The following DOCK4 variants were observed in gnomAD, a reference collection of about 807,000 sequenced individuals.
DOCK4 encodes the protein dedicator of cytokinesis protein 4.
Under a neutral mutation model 268.1 loss-of-function variants are expected in DOCK4, and 97 were observed. The ratio of observed to expected loss-of-function variants is 0.36; its 90% confidence interval spans 0.31 to 0.43. The LOEUF (loss-of-function observed/expected upper bound fraction) is 0.43, where lower values mean the gene tolerates loss of function less well. Ranked by LOEUF, DOCK4 falls within the 20% of genes least tolerant of loss-of-function variation. DOCK4 has a pLI of 1.00. For synonymous variants in DOCK4, 954 were observed against 887.2 expected, an observed-to-expected ratio of 1.08 and a Z score of -1.34; for missense variants, 2,145 against 2,455.7, an observed-to-expected ratio of 0.87 and a Z score of 2.67.
At chr7:112,170,259 T>C (rs952734471) in intron 1 of DOCK4, among the ~76,000 whole-genome samples, 3 of 152,038 alleles carry the variant, frequency 2.0e-5, no homozygotes, top group Admixed American at 2.0e-4. Context: ...AAAATCAGCC[T>C]GGGCAATATG....
At position 112,018,156 on chromosome 7, in the gene DOCK4, A is replaced by C. The variant is rs921949790; in HGVS notation, c.38-14025T>G. The stretch of plus-strand genomic sequence containing the variant: ...AAGACTCCAGCTCAAAAAAAAAAAA[A>C]AAAAAAAAAAAAAAAAAAAAAAAAC... On this transcript the variant is annotated intron_variant, in intron 1 of 52. Transcript: ENST00000428084. 1.1e-3 allele frequency among the ~76,000 whole-genome samples: 149 copies of C among 135,392 alleles called. 4 individuals are homozygous for C. The highest frequency in any genetic ancestry group is 4.0e-3 in the African/African-American group (140 of 35,044). 88.8% of individuals were successfully genotyped at this position (135,392 alleles called of 152,430 possible).
At chr7:111,758,535 T>G in intron 41 of DOCK4, 89 bp downstream of exon 41, 1 of 1,413,814 alleles carries the variant, frequency 7.1e-7, no homozygotes. Context: ...CACTTGACAC[T>G]ATTCTGAGTA....
At position 112,040,488 on chromosome 7, in the gene DOCK4, T is replaced by C. The variant is rs527727960; in HGVS notation, c.38-36357A>G. Among the ~76,000 whole-genome samples, 19 of 152,308 alleles carry C rather than the reference T, an allele frequency of 1.2e-4. 1 individual carries two copies. Among genetic ancestry groups the C allele is most frequent in the African/African-American group, 2.9e-4 (12 of 41,560 alleles). The stretch of plus-strand genomic sequence containing the variant: ...CAGTGAACCACTATAGACATTTCAA[T>C]AGATAGTTGTGGAGGCACAGTGAAC... On this transcript the variant is annotated intron_variant, in intron 1 of 52. Transcript: ENST00000428084.
chr7:112,179,752 T>C (rs751181621), intron 1 of DOCK4, among the ~76,000 whole-genome samples: 26 of 152,202 alleles, frequency 1.7e-4, no homozygotes, highest in African/African-American at 4.1e-4. Flanking sequence ...ATGGTAGTTA[T>C]GCTGTCAAGA....
intron 30 of DOCK4, among the ~76,000 whole-genome samples, chr7:111,793,332 C>G (rs1282322608): frequency 6.6e-6 from 1 of 152,218 alleles, no homozygotes; most frequent in Non-Finnish European, 1.5e-5. Flanking sequence ...TCTTCTGTCT[C>G]TATACATCAA....
intron 35 of DOCK4, among the ~76,000 whole-genome samples, chr7:111,778,693 T>C (rs1400270126): frequency 6.6e-6 from 1 of 152,226 alleles, no homozygotes; most frequent in Non-Finnish European, 1.5e-5. Flanking sequence ...AATCCATTTT[T>C]TAACTTGGCC....
rs1033809740 is a variant in DOCK4 at position 112,176,320 on chromosome 7, C to T, written c.37+29782G>A. On this transcript the variant is annotated intron_variant, in intron 1 of 52. Transcript: ENST00000428084. ...ATCCACCCATATCTCTTATCACCAC[C>T]CTCACCCAATGTGTACCCATTAGAA... Among the ~76,000 whole-genome samples the T allele has an allele frequency of 4.6e-5, 7 of 152,092 alleles. No individual in the cohort carries two copies. The South Asian group carries it at 1.5e-3, about 32-fold the overall frequency.
intron 1 of DOCK4, among the ~76,000 whole-genome samples, chr7:112,159,662 C>T (rs1381490789): frequency 2.0e-5 from 3 of 151,958 alleles, no homozygotes; most frequent in African/African-American, 7.3e-5. Context: ...ATATGACCCT[C>T]CTACCCCAGA....
chr7:111,810,674 A>G (rs940698525), intron 28 of DOCK4, among the ~76,000 whole-genome samples: 51 of 151,988 alleles, frequency 3.4e-4, no homozygotes. Flanking sequence ...CTTTCACTCA[A>G]CAATTCCACT....
At chr7:111,738,066 A>C (rs1795628923) in intron 49 of DOCK4, among the ~76,000 whole-genome samples, 1 of 152,058 alleles carries the variant, frequency 6.6e-6, no homozygotes, top group Non-Finnish European at 1.5e-5. Flanking sequence ...AATTAGCTGG[A>C]GTAGAAATAA....
chr7:111,820,385 A>G (rs543323182), intron 27 of DOCK4: 1 of 152,268 alleles, frequency 6.6e-6, no homozygotes, highest in South Asian at 2.1e-4. Context: ...AAGTCACCAC[A>G]TTTAGCAAAG....
chr7:111,847,577 G>A (rs1009930079), intron 23 of DOCK4, among the ~76,000 whole-genome samples: 5 of 152,012 alleles, frequency 3.3e-5, no homozygotes, highest in Admixed American at 2.6e-4. Flanking sequence ...GGGACTTGGT[G>A]GGAGATAATT....
chr7:111,859,957 A>G (rs1276911582), intron 23 of DOCK4, among the ~76,000 whole-genome samples: 1 of 152,128 alleles, frequency 6.6e-6, no homozygotes, highest in Non-Finnish European at 1.5e-5. Context: ...CTCTTTTATT[A>G]TAGATCTTTA....
chr7:112,148,925 G>A (rs1455389576), intron 1 of DOCK4, among the ~76,000 whole-genome samples: 5 of 152,178 alleles, frequency 3.3e-5, no homozygotes, highest in Admixed American at 1.3e-4. Context: ...TTGTGGCTAC[G>A]ATAATGCGCC....
intron 1 of DOCK4, among the ~76,000 whole-genome samples, chr7:112,122,705 T>C (rs755468819): frequency 9.2e-5 from 14 of 152,266 alleles, no homozygotes; most frequent in Non-Finnish European, 1.8e-4. Flanking sequence ...TTTCATCCTT[T>C]TGTTGTATGC....
At chr7:111,887,977 C>T (rs1807989988) in intron 16 of DOCK4, among the ~76,000 whole-genome samples, 1 of 151,848 alleles carries the variant, frequency 6.6e-6, no homozygotes, top group Admixed American at 6.6e-5. Context: ...AGGAAGGATG[C>T]AGATAAGTTT....
chr7:111,876,453 T>C (rs1448252202), intron 17 of DOCK4, among the ~76,000 whole-genome samples: 1 of 152,258 alleles, frequency 6.6e-6, no homozygotes. Context: ...TGAATATAAC[T>C]TATTTAATAT....
chr7:111,878,755 T>C (rs1807127337), intron 16 of DOCK4, among the ~76,000 whole-genome samples: 1 of 152,152 alleles, frequency 6.6e-6, no homozygotes, highest in Non-Finnish European at 1.5e-5. Flanking sequence ...ACAGTGGCCA[T>C]GCAAGGAGGG....
At chr7:111,730,478 A>G (rs1795007413) in intron 52 of DOCK4, among the ~76,000 whole-genome samples, 1 of 152,234 alleles carries the variant, frequency 6.6e-6, no homozygotes, top group Non-Finnish European at 1.5e-5. Flanking sequence ...TGGTAGATAC[A>G]CATCCTGTCA....
Sources: allele counts gnomAD v4.1 joint callset (sites outside exome capture counted in the v4.1 genomes callset), GRCh38; gene constraint gnomAD v4.1.1; transcripts MANE v1.5; gene names NCBI Gene and HGNC (gene_info 2026-07-23, HGNC 2026-07-21).